NDUFA11: variants seen among roughly 807,000 people sequenced by gnomAD.
NDUFA11 encodes NADH:ubiquinone oxidoreductase subunit A11, also known as NADH dehydrogenase [ubiquinone] 1 alpha subcomplex subunit 11.
Under a neutral mutation model 11.3 loss-of-function variants are expected in NDUFA11, and 14 were observed. The observed-to-expected ratio is 1.24, with a 90% CI of 0.82 to 1.94. The LOEUF (loss-of-function observed/expected upper bound fraction) is 1.94. NDUFA11 is among the 30% of genes most tolerant of loss of function. The pLI, the probability that NDUFA11 is intolerant of heterozygous loss-of-function variation, is 0.00. For synonymous variants in NDUFA11, 87 were observed against 85.6 expected (o/e 1.02, Z -0.09); for missense variants, 204 against 200.3 (o/e 1.02, Z -0.11).
rs548160513 is a variant in NDUFA11 at position 5,902,064 on chromosome 19, C to T, written c.97+1548G>A. On this transcript the variant is annotated intron_variant, in intron 1 of 3. Transcript: ENST00000308961. ...AATCTCGGCTCACTGCAACCTCTGC[C>T]TCCTGGATTCACGCCATTCTCCTGC... 7.3e-4 allele frequency among the ~76,000 whole-genome samples: 111 copies of T among 151,960 alleles called. 1 individual carries two copies. The highest frequency in any genetic ancestry group is 2.5e-3 in the African/African-American group (105 of 41,392).
chr19:5,893,265 C>G (rs894436250), downstream of NDUFA11: 1 of 1,361,134 alleles, frequency 7.3e-7, no homozygotes, highest in Non-Finnish European at 1.0e-6. This position sits in a 1 kb window ranked among gnomAD's most constrained non-coding sequence, Gnocchi z 4.1. Context: ...TGAGACCAGC[C>G]TGCACAACAC....
At chr19:5,895,631 G>A (rs1465834799) in intron 3 of NDUFA11, 1 of 152,938 alleles carries the variant, frequency 6.5e-6, no homozygotes, top group East Asian at 1.9e-4. Flanking sequence ...GCTGCAAGAG[G>A]GCTCGTTCAC....
chr19:5,895,142 T>G, intron 3 of NDUFA11: 2 of 440,064 alleles, frequency 4.5e-6, no homozygotes, highest in South Asian at 5.4e-5. Context: ...TGCCCCCAGC[T>G]GGGGCTGGGG....
At chr19:5,893,089 GC>G, downstream of NDUFA11, 27 of 1,536,098 alleles carry the variant, frequency 1.8e-5, no homozygotes, top group Non-Finnish European at 2.3e-5. This position sits in a 1 kb window ranked among gnomAD's most constrained non-coding sequence, Gnocchi z 4.1. Context: ...GCTGTTGCAT[GC>G]CCCCCTTGTG....
chr19:5,897,143 A>T (rs1306480795), intron 1 of NDUFA11, 146 bp from the exon 2 acceptor site: 4 of 730,464 alleles, frequency 5.5e-6, no homozygotes, highest in Non-Finnish European at 9.8e-6. Flanking sequence ...TGAGTGGCAG[A>T]GCTGGATTTG....
intron 1 of NDUFA11, chr19:5,901,578 CCT>C (rs2057645659): frequency 9.0e-6 from 6 of 663,598 alleles, no homozygotes; most frequent in Non-Finnish European, 1.3e-5. Context: ...TTGGCCGGGC[CCT>C]GTTTCACATA....
At chr19:5,895,166 C>T (rs1465408291) in intron 3 of NDUFA11, 15 of 400,060 alleles carry the variant, frequency 3.7e-5, no homozygotes, top group East Asian at 1.4e-4. Flanking sequence ...GGCTGGGCAC[C>T]GGGCCATGGT....
chr19:5,903,557 C>G (rs528611104), intron 1 of NDUFA11, 55 bp downstream of exon 1: 2 of 1,506,834 alleles, frequency 1.3e-6, no homozygotes, highest in African/African-American at 1.4e-5. Context: ...CCCAGTAACC[C>G]CACGACCTCC....
chr19:5,903,566 C>T, intron 1 of NDUFA11, 46 bp downstream of exon 1: 5 of 1,524,270 alleles, frequency 3.3e-6, no homozygotes, highest in Non-Finnish European at 3.5e-6. Context: ...CCCACGACCT[C>T]CCTGCGGCCT....
At chr19:5,892,812 G>T, downstream of NDUFA11, 1 of 1,339,770 alleles carries the variant, frequency 7.5e-7, no homozygotes, top group Non-Finnish European at 9.7e-7. Flanking sequence ...AGGTGGAATC[G>T]TCTTTCTTTG....
downstream of NDUFA11, chr19:5,891,972 G>C (rs2057580696): frequency 6.6e-6 from 1 of 152,258 alleles, no homozygotes; most frequent in Non-Finnish European, 1.5e-5. Flanking sequence ...GGGCCCTCTT[G>C]TGTGTGGGGT....
rs1054026135 is a variant in NDUFA11 at position 5,896,291 on chromosome 19, AAGC to A, written c.313+159_313+161del. Reference sequence around the variant, plus strand: ...TCAGGGAGGGCCACAGTAGGTGCTTAAGCAGCAGCAGCAGCTGTCGCTATGACT... The same window carrying A: ...TCAGGGAGGGCCACAGTAGGTGCTTAAGCAGCAGCAGCTGTCGCTATGACT... On this transcript the variant is annotated intron_variant, in intron 3 of 3. Coordinates refer to ENST00000308961, the MANE Select transcript of NDUFA11 (RefSeq NM_175614.5). This position sits in a 1 kb window ranked among gnomAD's most constrained non-coding sequence, Gnocchi z 5.8. 1.4e-4 allele frequency: 118 copies of A among 834,820 alleles called. No homozygotes were observed. Among genetic ancestry groups the A allele is most frequent in the East Asian group, 4.3e-4 (16 of 37,410 alleles). 51.7% of individuals were successfully genotyped at this position (834,820 alleles called of 1,614,324 possible).
At chr19:5,894,489 T>C (rs1379877596), downstream of NDUFA11, among the ~76,000 whole-genome samples, 2 of 152,102 alleles carry the variant, frequency 1.3e-5, no homozygotes. Context: ...CCTCCTGGGC[T>C]CCCGATGGCC....
chr19:5,896,107 G>C lies in NDUFA11; in HGVS notation c.313+346C>G. 1.9e-6 allele frequency: 1 copy of C among 521,186 alleles called. No individual in the cohort carries two copies. Among genetic ancestry groups the C allele is most frequent in the Non-Finnish European group, 3.4e-6 (1 of 295,624 alleles). The allele number at this position is 521,186 out of a possible 1,614,324, so 32.3% of individuals were successfully genotyped here. On this transcript the variant is annotated intron_variant, in intron 3 of 3. Transcript: ENST00000308961. This position sits in a 1 kb window ranked among gnomAD's most constrained non-coding sequence, Gnocchi z 5.8. The stretch of plus-strand genomic sequence containing the variant: ...CGGCGGGGATGCTGGCTTGTACACA[G>C]GGTGGTCAGGACAGTGAGGGGAACA...
At chr19:5,900,732 A>G (rs955428152) in intron 1 of NDUFA11, among the ~76,000 whole-genome samples, 4 of 152,130 alleles carry the variant, frequency 2.6e-5, no homozygotes, top group Non-Finnish European at 4.4e-5. Context: ...GGCCTGGCCA[A>G]CATGGCGAAA....
downstream of NDUFA11, chr19:5,893,019 G>A (rs376129575): frequency 4.8e-5 from 73 of 1,534,376 alleles, no homozygotes; most frequent in East Asian, 5.9e-4. The surrounding 1 kb of genome is among the most constrained non-coding windows in gnomAD (Gnocchi z 4.1). Flanking sequence ...GGGTGTGTCC[G>A]CCCTTTCTCA....
At chr19:5,895,943 T>G (rs574638242) in intron 3 of NDUFA11, 143 of 195,102 alleles carry the variant, frequency 7.3e-4, no homozygotes, top group Non-Finnish European at 1.0e-3. Context: ...GGGCTCCAGG[T>G]GCAGGGAGAG....
downstream of NDUFA11, chr19:5,892,038 G>A (rs1236142153): frequency 6.6e-6 from 1 of 152,258 alleles, no homozygotes; most frequent in Non-Finnish European, 1.5e-5. Context: ...GGGGGGCCTC[G>A]GCTTTGGGGT....
chr19:5,903,550 A>C, intron 1 of NDUFA11, 62 bp downstream of exon 1: 1 of 1,476,184 alleles, frequency 6.8e-7, no homozygotes, highest in Non-Finnish European at 9.2e-7. Context: ...AACAGCCCCC[A>C]GTAACCCCAC....
Sources: gnomAD v4.1 joint callset for allele counts (sites outside exome capture counted in the v4.1 genomes callset) on GRCh38, gnomAD v4.1.1 for gene constraint, Gnocchi (gnomAD v3.1) non-coding constraint, MANE v1.5 for transcripts, NCBI Gene and HGNC (gene_info 2026-07-23, HGNC 2026-07-21) for gene names.